Variants in SPATA13 observed in about 807,000 individuals in gnomAD.
SPATA13 encodes the protein spermatogenesis associated 13.
In SPATA13, 50 loss-of-function variants were observed where a neutral mutation model predicts 104.0. The ratio of observed to expected loss-of-function variants is 0.48; its 90% CI spans 0.38 to 0.61. SPATA13 has a LOEUF of 0.61. Among genes scored for constraint, SPATA13 ranks in the 20% least tolerant of loss-of-function variants. The probability of loss-of-function intolerance (pLI) is 0.00; values close to 1 mark genes in which losing one functional copy is unlikely to be tolerated. For missense variants in SPATA13, 1,524 were observed against 1,690.6 expected, an observed-to-expected ratio of 0.90 and a Z score of 1.73; for synonymous variants, 606 against 667.5, an observed-to-expected ratio of 0.91 and a Z score of 1.42.
In SPATA13 at chr13:24,302,740, C is replaced by T; in HGVS notation, c.3801C>T (p.His1267=). The change falls in exon 13 of 13, where the codon CAC becomes CAT. Residue 1267 remains histidine (H), a synonymous_variant. Transcript: ENST00000382108. ...AGAGGAAGTCCTCGCTCTTCTGGCA[C>T]ACCTTCAACAGGCTCACCCCCTTCC... ...EPKRKSSLFW[H]TFNRLTPFRK is the part of the protein sequence containing the mutation. The T allele has an allele frequency of 1.9e-6, 3 of 1,614,180 alleles. No homozygotes were observed. Among genetic ancestry groups the T allele is most frequent in the Non-Finnish European group, 1.7e-6 (2 of 1,180,042 alleles).
intron 2 of SPATA13, among the ~76,000 whole-genome samples, chr13:24,006,399 A>C (rs1188950877): frequency 6.6e-6 from 1 of 152,248 alleles, no homozygotes; most frequent in Admixed American, 6.5e-5. Context: ...ATCTGTACAC[A>C]GTATAAATGA....
intron 3 of SPATA13, among the ~76,000 whole-genome samples, chr13:24,082,824 C>A: frequency 3.6e-5 from 1 of 27,682 alleles, no homozygotes; most frequent in Non-Finnish European, 5.9e-5. Context: ...GAGACTCCGT[C>A]TCAAAAAAAA....
intron 4 of SPATA13, among the ~76,000 whole-genome samples, chr13:24,261,573 G>T (rs1874065430): frequency 1.3e-5 from 2 of 152,124 alleles, no homozygotes; most frequent in East Asian, 1.9e-4. Context: ...ATGCTCTGAG[G>T]ACCAACATTT....
At chr13:24,105,381 C>T (rs1206766488) in intron 3 of SPATA13, among the ~76,000 whole-genome samples, 1 of 151,400 alleles carries the variant, frequency 6.6e-6, no homozygotes, top group Non-Finnish European at 1.5e-5. Flanking sequence ...TCAAGTGATC[C>T]GCCTGCCTCA....
intron 3 of SPATA13, among the ~76,000 whole-genome samples, chr13:24,023,947 G>A (rs923322576): frequency 6.6e-6 from 1 of 152,220 alleles, no homozygotes; most frequent in Non-Finnish European, 1.5e-5. Flanking sequence ...ACAAATGCAT[G>A]TGGACGCTAA....
chr13:24,211,393 T>C (rs1238336385), intron 1 of SPATA13, among the ~76,000 whole-genome samples: 1 of 152,196 alleles, frequency 6.6e-6, no homozygotes, highest in East Asian at 1.9e-4. Flanking sequence ...TGTGGACTTG[T>C]CATATATGGT....
rs1879811333 is a variant in SPATA13, at chr13:24,088,626, T to A, written c.-112+70925T>A. On this transcript the variant is annotated intron_variant, in intron 3 of 14. Transcript: ENST00000424834. This position sits in a 1 kb window ranked among gnomAD's most constrained non-coding sequence, Gnocchi z 4.3. ...CATCTCTTTAACCTCAATTTTCTCT[T>A]TCCCAAAATGGAATAAAAAAATCAA... Among the ~76,000 whole-genome samples, 1 of 152,178 alleles carries A rather than the reference T, an allele frequency of 6.6e-6. No individual in the cohort carries two copies. The highest frequency in any genetic ancestry group is 1.5e-5 in the Non-Finnish European group (1 of 68,026).
chr13:24,136,118 A>T (rs1346983156), intron 3 of SPATA13, among the ~76,000 whole-genome samples: 1 of 152,328 alleles, frequency 6.6e-6, no homozygotes, highest in Middle Eastern at 3.4e-3. Flanking sequence ...GAAGATTATT[A>T]ACAGGAAATA....
At chr13:24,149,028 G>C (rs1217570607) in intron 3 of SPATA13, among the ~76,000 whole-genome samples, 2 of 152,240 alleles carry the variant, frequency 1.3e-5, no homozygotes, top group African/African-American at 4.8e-5. Context: ...ACAAACAAAG[G>C]AGAATGAGGA....
intron 4 of SPATA13, among the ~76,000 whole-genome samples, chr13:24,253,560 A>G (rs1873622044): frequency 6.6e-6 from 1 of 152,208 alleles, no homozygotes; most frequent in Non-Finnish European, 1.5e-5. Flanking sequence ...GGAGAATAAA[A>G]CGTCATGCAA....
At chr13:24,033,141 C>T (rs1877541362) in intron 3 of SPATA13, among the ~76,000 whole-genome samples, 1 of 152,216 alleles carries the variant, frequency 6.6e-6, no homozygotes, top group Admixed American at 6.5e-5. Context: ...CCCAGACCTG[C>T]AAGGTTTGAG....
At position 24,205,458 on chromosome 13, in the gene SPATA13, C is replaced by T. The variant is rs1279668519; in HGVS notation, c.-111-17361C>T. 6.6e-6 allele frequency among the ~76,000 whole-genome samples: 1 copy of T among 152,124 alleles called. No homozygotes were observed. The highest frequency in any genetic ancestry group is 1.5e-5 in the Non-Finnish European group (1 of 68,020). On this transcript the variant is annotated intron_variant, in intron 1 of 12. Coordinates refer to ENST00000382108, the MANE Select transcript of SPATA13 (RefSeq NM_001166271.3). The surrounding 1 kb of genome is among the most constrained non-coding windows in gnomAD (Gnocchi z 4.1). ...AATCAGAGATGCAAATGGAAAAACA[C>T]TCCATGCTATGGATAGGAGGAATCA...
intron 2 of SPATA13, among the ~76,000 whole-genome samples, chr13:24,010,861 A>T (rs768305758): frequency 6.6e-6 from 1 of 151,734 alleles, no homozygotes; most frequent in African/African-American, 2.4e-5. Context: ...CCTAGAATCC[A>T]CCCTGAGCAC....
intron 3 of SPATA13, among the ~76,000 whole-genome samples, chr13:24,155,631 C>G (rs113723930): frequency 0.014 from 2,141 of 152,250 alleles, 46 homozygotes; most frequent in African/African-American, 0.049. Flanking sequence ...CAATGGCTTT[C>G]TGCAGATTCT....
At chr13:24,265,913 T>C (rs544965223) in intron 4 of SPATA13, among the ~76,000 whole-genome samples, 25 of 152,216 alleles carry the variant, frequency 1.6e-4, no homozygotes, top group Non-Finnish European at 2.9e-4. Context: ...TGGGAAACTT[T>C]GGTGCTGGTC....
In SPATA13 at chr13:24,028,660, A is replaced by G. The variant is rs549254592; in HGVS notation, c.-112+10959A>G. 3.3e-5 allele frequency among the ~76,000 whole-genome samples: 5 copies of G among 152,250 alleles called. 1 individual carries two copies. Among genetic ancestry groups the G allele is most frequent in the African/African-American group, 1.2e-4 (5 of 41,536 alleles). On this transcript the variant is annotated intron_variant, in intron 3 of 14. Transcript: ENST00000424834. ...CTACTATCAGTTTTGGAAAATTCTA[A>G]TTGCCTCTCTTTTATTCACCTTACT... is the stretch of plus-strand genomic sequence containing the variant.
intron 3 of SPATA13, among the ~76,000 whole-genome samples, chr13:24,061,044 C>T (rs909241889): frequency 5.3e-5 from 8 of 152,204 alleles, no homozygotes; most frequent in African/African-American, 1.7e-4. Context: ...GCCCCGCACC[C>T]CCCAAAAAGT....
chr13:24,229,678 A>T (rs1193311089), intron 2 of SPATA13, among the ~76,000 whole-genome samples: 1 of 152,166 alleles, frequency 6.6e-6, no homozygotes, highest in Non-Finnish European at 1.5e-5. Context: ...AGTTCTTCAA[A>T]CAGTTAGTTT....
At chr13:24,228,523 G>A (rs1289477621) in intron 2 of SPATA13, among the ~76,000 whole-genome samples, 3 of 152,160 alleles carry the variant, frequency 2.0e-5, no homozygotes, top group African/African-American at 7.2e-5. Flanking sequence ...TTGTAGAGAA[G>A]TGCTTGTGAA....
Sources: gnomAD v4.1 joint callset for allele counts (sites outside exome capture counted in the v4.1 genomes callset) on GRCh38, gnomAD v4.1.1 for gene constraint, Gnocchi (gnomAD v3.1) non-coding constraint, MANE v1.5 for transcripts, NCBI Gene and HGNC (gene_info 2026-07-23, HGNC 2026-07-21) for gene names.